Variants in DTX2 observed in about 807,000 individuals in gnomAD.
DTX2 encodes the protein probable E3 ubiquitin-protein ligase DTX2.
DTX2 carries 29 observed loss-of-function variants against 55.3 expected under a neutral mutation model. The observed-to-expected ratio is 0.52, with a 90% CI of 0.39 to 0.71. DTX2 has a LOEUF of 0.71. Among genes scored for constraint, DTX2 ranks in the 30% least tolerant of loss-of-function variants. The pLI, the probability that DTX2 is intolerant of heterozygous loss-of-function variation, is 0.00. For missense variants in DTX2, 537 were observed against 822.5 expected (o/e 0.65, Z 4.25); for synonymous variants, 276 against 340.4 (o/e 0.81, Z 2.08).
rs186751870 is a variant in DTX2, at chr7:76,503,413, C to T, written c.1390-13C>T. ...AGACTGCCAGCTCAGTGGGTTGCGTCTGCCTCTGTCAGGATGGAAGTCTGC... is the reference window on the plus strand; with the variant it reads ...AGACTGCCAGCTCAGTGGGTTGCGTTTGCCTCTGTCAGGATGGAAGTCTGC... On this transcript the variant is annotated splice_polypyrimidine_tract_variant and intron_variant, in intron 8 of 10. Coordinates refer to ENST00000430490, the MANE Select transcript of DTX2 (RefSeq NM_001102594.3). 2.3e-4 allele frequency: 367 copies of T among 1,611,152 alleles called. 1 individual carries two copies. Among genetic ancestry groups the T allele is most frequent in the Non-Finnish European group, 2.9e-4 (346 of 1,179,114 alleles).
Position 76,505,866 on chromosome 7 carries a change from T to C in DTX2, c.*265T>C, listed in dbSNP as rs1247057476. The C allele has an allele frequency of 1.7e-6, 1 of 582,062 alleles. No individual in the cohort carries two copies. The highest frequency in any genetic ancestry group is 3.1e-6 in the Non-Finnish European group (1 of 324,546). The allele number at this position is 582,062 out of a possible 1,614,324, so 36.1% of individuals were successfully genotyped here. On this transcript the variant is annotated 3_prime_UTR_variant, in exon 11 of 11. Coordinates refer to ENST00000430490, the MANE Select transcript of DTX2 (RefSeq NM_001102594.3). The surrounding 1 kb of genome is among the most constrained non-coding windows in gnomAD (Gnocchi z 4.4). ...GGCCCGTCTGTCCTCTGGGGGCTGC[T>C]TCGGGCCCGCGGTGCTCGGGGCCTG...
intron 3 of DTX2, among the ~76,000 whole-genome samples, chr7:76,481,461 A>G (rs1235512964): frequency 1.3e-5 from 2 of 152,118 alleles, no homozygotes; most frequent in Admixed American, 6.5e-5. Context: ...TGCTGGGATT[A>G]CAAGCATGAG....
At chr7:76,480,819 C>T (rs906312994) in intron 3 of DTX2, 42 bp downstream of exon 3, 2 of 1,532,366 alleles carry the variant, frequency 1.3e-6, no homozygotes, top group Admixed American at 2.0e-5. Flanking sequence ...GGGTGCCGCA[C>T]CTGCTTTCCC....
Position 76,469,318 on chromosome 7 carries a change from A to G in DTX2, c.-90+5609A>G, listed in dbSNP as rs1417031820. 3.4e-4 allele frequency among the ~76,000 whole-genome samples: 42 copies of G among 122,480 alleles called. 1 individual carries two copies. Among genetic ancestry groups the G allele is most frequent in the Admixed American group, 2.6e-3 (31 of 11,880 alleles). The allele number at this position is 122,480 out of a possible 152,430, so 80.4% of individuals were successfully genotyped here. A position where few individuals can be genotyped will look rare whatever the true frequency, so the allele number is the denominator to read the frequency against. On this transcript the variant is annotated intron_variant, in intron 2 of 10. Transcript: ENST00000430490. ...ATGGATCTAGGTCCAGCCTGCAAAT[A>G]TTGCCATCTTTCCTGATTTTCAAGG...
At chr7:76,469,592 A>G (rs1009691009) in intron 2 of DTX2, among the ~76,000 whole-genome samples, 27 of 149,778 alleles carry the variant, frequency 1.8e-4, no homozygotes, top group African/African-American at 6.7e-4. Flanking sequence ...ACAGGGTTTC[A>G]CTGCATTAGC....
intron 4 of DTX2, among the ~76,000 whole-genome samples, chr7:76,486,846 G>GGCGGCTGCTGCTGCTGCT (rs1554636852): frequency 3.8e-5 from 3 of 79,886 alleles, no homozygotes; most frequent in Non-Finnish European, 5.3e-5. Flanking sequence ...TGTTGTGGTG[G>GGCGGCTGCTGCTGCTGCT]GCTGCTGCTG....
At chr7:76,474,119 C>A (rs1808256901) in intron 2 of DTX2, among the ~76,000 whole-genome samples, 1 of 151,540 alleles carries the variant, frequency 6.6e-6, no homozygotes, top group Non-Finnish European at 1.5e-5. Flanking sequence ...TGGGGTTTCT[C>A]CATGTTGGTC....
intron 7 of DTX2, 114 bp from the exon 8 acceptor site, chr7:76,502,184 T>G: frequency 9.4e-7 from 1 of 1,059,746 alleles, no homozygotes; most frequent in Non-Finnish European, 1.4e-6. Context: ...GCCTCGGAAT[T>G]GACTTTGACT....
At chr7:76,499,455 TC>T (rs1300313306) in intron 6 of DTX2, among the ~76,000 whole-genome samples, 1 of 151,782 alleles carries the variant, frequency 6.6e-6, no homozygotes, top group African/African-American at 2.4e-5. Context: ...TTGTGAGCCC[TC>T]AGGCTTAGAA....
At chr7:76,502,912 G>C (rs1584254158) in intron 8 of DTX2, 2 of 218,316 alleles carry the variant, frequency 9.2e-6, no homozygotes, top group Admixed American at 5.2e-5. Context: ...TTGAGGCAGG[G>C]CTGATCCTGG....
chr7:76,499,593 G>A (rs1346258286), intron 6 of DTX2, among the ~76,000 whole-genome samples: 3 of 148,674 alleles, frequency 2.0e-5, no homozygotes, highest in Non-Finnish European at 4.5e-5. Context: ...CGCCTCCACG[G>A]GTGGCACTGG....
intron 2 of DTX2, among the ~76,000 whole-genome samples, chr7:76,475,125 G>C (rs1418270102): frequency 2.0e-5 from 3 of 151,870 alleles, no homozygotes; most frequent in Non-Finnish European, 2.9e-5. Flanking sequence ...TGGCCAACAT[G>C]GTGAAGCCGC....
chr7:76,502,328 A>T lies in DTX2; in HGVS notation c.1261A>T (p.Thr421Ser), dbSNP rs6979487. ...CATCATCTGCATGGAGAAGCTGTCC[A>T]CAGCGTCTGGATACAGCGATGTGAC... Reference protein sequence around the residue: ...DCIICMEKLSTASGYSDVTDS... With the variant: ...DCIICMEKLSSASGYSDVTDS... The change falls in exon 8 of 11, where the codon ACA becomes TCA. Residue 421 changes from threonine (T) to serine (S), a missense_variant. Thr to Ser is a moderately conservative substitution (Grantham distance 58, BLOSUM62 1). Coordinates refer to ENST00000430490, the MANE Select transcript of DTX2 (RefSeq NM_001102594.3). The T allele has an allele frequency of 5.6e-6, 9 of 1,594,912 alleles. No individual in the cohort carries two copies. Among genetic ancestry groups the T allele is most frequent in the Non-Finnish European group, 7.7e-6 (9 of 1,168,330 alleles).
At chr7:76,499,491 G>C (rs1264832965) in intron 6 of DTX2, among the ~76,000 whole-genome samples, 2 of 151,960 alleles carry the variant, frequency 1.3e-5, no homozygotes, top group Non-Finnish European at 2.9e-5. Flanking sequence ...TGAAGGCCGT[G>C]AGCTTGGATT....
chr7:76,498,813 G>GTGTGTGGGGTGTGTAGAGGTGAGGA (rs1811245079), intron 6 of DTX2, among the ~76,000 whole-genome samples: 1 of 131,770 alleles, frequency 7.6e-6, no homozygotes, highest in African/African-American at 3.3e-5. Flanking sequence ...GAGGTGTGGG[G>GTGTGTGGGGTGTGTAGAGGTGAGGA]TGTGTGGGGT....
At chr7:76,499,985 C>G (rs142067417) in intron 6 of DTX2, 32,235 of 369,716 alleles carry the variant, frequency 0.087, 2,001 homozygotes, top group East Asian at 0.26. Flanking sequence ...ACATGCTGGA[C>G]CCCAGACTCC....
rs555380925 is a variant in DTX2, at chr7:76,480,428, G to A, written c.-82G>A. On this transcript the variant is annotated 5_prime_UTR_variant, in exon 3 of 11. Transcript: ENST00000430490. Reference sequence around the variant, plus strand: ...TGTCTGTCCTGTTCACAGATCTGCCGGAGGCGCTGGGCAATGACCCCGGGA... The same window carrying A: ...TGTCTGTCCTGTTCACAGATCTGCCAGAGGCGCTGGGCAATGACCCCGGGA... 1.2e-4 allele frequency: 173 copies of A among 1,399,200 alleles called. 2 individuals are homozygous for A. The South Asian group carries it at 1.9e-3, about 15-fold the overall frequency. 86.7% of individuals were successfully genotyped at this position (1,399,200 alleles called of 1,614,324 possible).
chr7:76,466,570 G>A lies in DTX2; in HGVS notation c.-90+2861G>A, dbSNP rs186911365. ...TTTTTCTTAGTTTTATCTTACATGT[G>A]TATTTCTTTGTTTCTCTGTCTCTTT... On this transcript the variant is annotated intron_variant, in intron 2 of 10. Transcript: ENST00000430490. 1.9e-4 allele frequency among the ~76,000 whole-genome samples: 28 copies of A among 149,630 alleles called. No individual in the cohort carries two copies. The East Asian group carries it at 5.3e-3, about 28-fold the overall frequency.
At chr7:76,482,454 C>T in intron 3 of DTX2, 54 bp from the exon 4 acceptor site, 1 of 1,518,178 alleles carries the variant, frequency 6.6e-7, no homozygotes, top group Non-Finnish European at 8.8e-7. Flanking sequence ...TTTGAACGTT[C>T]CCTGTATCTT....
Sources: gnomAD v4.1 joint callset for allele counts (sites outside exome capture counted in the v4.1 genomes callset) on GRCh38, gnomAD v4.1.1 for gene constraint, Gnocchi (gnomAD v3.1) non-coding constraint, MANE v1.5 for transcripts, NCBI Gene and HGNC (gene_info 2026-07-23, HGNC 2026-07-21) for gene names.